TBCEL: variants seen among roughly 807,000 people sequenced by gnomAD.
TBCEL encodes the protein tubulin-specific chaperone cofactor E-like protein.
A neutral mutation model predicts 44.2 loss-of-function variants in TBCEL; 15 were observed. The ratio of observed to expected loss-of-function variants is 0.34; its 90% CI spans 0.23 to 0.52. The LOEUF (loss-of-function observed/expected upper bound fraction) is 0.52, where lower values mean the gene tolerates loss of function less well. TBCEL is among the 20% of genes least tolerant of loss of function. The probability of loss-of-function intolerance (pLI) is 0.95; values close to 1 mark genes in which losing one functional copy is unlikely to be tolerated. For missense variants in TBCEL, 319 were observed against 506.3 expected (o/e 0.63, Z 3.55); for synonymous variants, 171 against 185.4 (o/e 0.92, Z 0.63).
intron 8 of TBCEL, among the ~76,000 whole-genome samples, chr11:121,086,439 G>A (rs565515277): frequency 5.3e-5 from 8 of 152,132 alleles, no homozygotes; most frequent in Non-Finnish European, 7.4e-5. Context: ...CCTTCTTGAT[G>A]ATGACACCCA....
At chr11:121,081,834 A>G (rs954533347) in intron 8 of TBCEL, among the ~76,000 whole-genome samples, 20 of 152,174 alleles carry the variant, frequency 1.3e-4, no homozygotes, top group African/African-American at 4.8e-4. Context: ...GGGAACATAT[A>G]TATATATGTA....
chr11:121,026,572 C>T (rs1446407493), intron 1 of TBCEL, among the ~76,000 whole-genome samples: 2 of 152,202 alleles, frequency 1.3e-5, no homozygotes, highest in Admixed American at 1.3e-4. Flanking sequence ...CAAGTTAAAA[C>T]TTCATCAGTG....
In TBCEL at chr11:121,056,435, G is replaced by A. The variant is rs1410583308; in HGVS notation, c.712+1127G>A. ...AGTTTGGGCAGTTATGAATAAAGCT[G>A]CTGTAAACATCTGTATGCAAGTTTT... On this transcript the variant is annotated intron_variant, in intron 6 of 8. Coordinates refer to ENST00000683345, the MANE Select transcript of TBCEL (RefSeq NM_001363644.2). Among the ~76,000 whole-genome samples the A allele has an allele frequency of 8.6e-5, 13 of 151,954 alleles. 2 individuals are homozygous for A. Among genetic ancestry groups the A allele is most frequent in the Admixed American group, 7.9e-4 (12 of 15,236 alleles).
At chr11:121,037,982 C>T (rs1347708013) in intron 2 of TBCEL, among the ~76,000 whole-genome samples, 2 of 148,946 alleles carry the variant, frequency 1.3e-5, no homozygotes, top group Non-Finnish European at 3.0e-5. Context: ...TTTTTTTAGA[C>T]GGAGTCTTGC....
chr11:121,061,331 T>C (rs552605313), intron 8 of TBCEL, among the ~76,000 whole-genome samples: 1 of 152,092 alleles, frequency 6.6e-6, no homozygotes, highest in Admixed American at 6.6e-5. Flanking sequence ...CATCAGAGTT[T>C]ATTTAACTTC....
In TBCEL at chr11:121,037,891, A is replaced by G. The variant is rs188288633; in HGVS notation, c.-18+1279A>G. On this transcript the variant is annotated intron_variant, in intron 2 of 8. Coordinates refer to ENST00000683345, the MANE Select transcript of TBCEL (RefSeq NM_001363644.2). ...CTTAGCTAATAAAAAGGGAAACTACATGGTGGGGTTACTGGTTTTGTTGTT... is the reference window on the plus strand; with the variant it reads ...CTTAGCTAATAAAAAGGGAAACTACGTGGTGGGGTTACTGGTTTTGTTGTT... 2.0e-5 allele frequency among the ~76,000 whole-genome samples: 3 copies of G among 152,122 alleles called. No individual in the cohort carries two copies. The East Asian group carries it at 5.8e-4, about 29-fold the overall frequency.
Position 121,085,265 on chromosome 11 carries a change from C to T in TBCEL, c.957-1513C>T, listed in dbSNP as rs189225988. ...ATGTTGACCAGGCTGGTCTCGAACT[C>T]CTGACCTCGTGATCTGCCCACCATG... On this transcript the variant is annotated intron_variant, in intron 8 of 8. Transcript: ENST00000683345. Among the ~76,000 whole-genome samples the T allele has an allele frequency of 5.2e-3, 787 of 152,182 alleles. 5 individuals carry two copies. Among genetic ancestry groups the T allele is most frequent in the African/African-American group, 0.017 (723 of 41,522 alleles).
intron 1 of TBCEL, among the ~76,000 whole-genome samples, chr11:121,030,525 T>G (rs1057395112): frequency 1.3e-5 from 2 of 152,092 alleles, no homozygotes; most frequent in Admixed American, 1.3e-4. Flanking sequence ...AATAAAGTAA[T>G]AGAGATGGAC....
intron 8 of TBCEL, among the ~76,000 whole-genome samples, chr11:121,081,813 G>A (rs1306674300): frequency 6.6e-6 from 1 of 152,066 alleles, no homozygotes; most frequent in Non-Finnish European, 1.5e-5. Flanking sequence ...TTTTATTTAT[G>A]TAACTTTTAA....
At chr11:121,061,685 C>T (rs950100813) in intron 8 of TBCEL, among the ~76,000 whole-genome samples, 3 of 151,902 alleles carry the variant, frequency 2.0e-5, no homozygotes, top group East Asian at 1.9e-4. Context: ...GGTACAGTGA[C>T]GACATGGTAT....
intron 8 of TBCEL, among the ~76,000 whole-genome samples, chr11:121,084,120 G>A (rs184876812): frequency 3.3e-4 from 50 of 152,252 alleles, no homozygotes; most frequent in Non-Finnish European, 5.6e-4. Context: ...TGACCTAGTC[G>A]CCTCTAAAAG....
chr11:121,060,002 TG>T lies in TBCEL; in HGVS notation c.874del (p.Val292LeufsTer32). On this transcript the variant is annotated frameshift_variant, in exon 8 of 9. Coordinates refer to ENST00000683345, the MANE Select transcript of TBCEL (RefSeq NM_001363644.2). LOFTEE classifies it high-confidence loss of function. ...PSVSKLNGSV[V>X]TDGEREDSER... ...CAGTTTCCAAACTTAATGGCAGCGT[TG>T]TTACTGATGGTGAACGAGAAGATTC... 1 of 1,611,346 alleles carries T rather than the reference TG, an allele frequency of 6.2e-7. No homozygotes were observed. Among genetic ancestry groups the T allele is most frequent in the Non-Finnish European group, 8.5e-7 (1 of 1,178,426 alleles).
chr11:121,056,343 T>C (rs914471401), intron 6 of TBCEL, among the ~76,000 whole-genome samples: 51 of 151,910 alleles, frequency 3.4e-4, no homozygotes, highest in African/African-American at 1.2e-3. Flanking sequence ...CTATTCCATT[T>C]TCTGGATGTA....
At chr11:121,059,678 C>G (rs925255759) in intron 7 of TBCEL, among the ~76,000 whole-genome samples, 2 of 151,872 alleles carry the variant, frequency 1.3e-5, no homozygotes, top group African/African-American at 2.4e-5. Context: ...TTTAAAATTA[C>G]ATATGTGGCT....
chr11:121,024,856 T>A (rs1276008780), intron 1 of TBCEL, among the ~76,000 whole-genome samples: 1 of 152,114 alleles, frequency 6.6e-6, no homozygotes, highest in East Asian at 1.9e-4. Context: ...GGTAATTGAA[T>A]AAGGGCTTTT....
intron 8 of TBCEL, among the ~76,000 whole-genome samples, chr11:121,060,609 T>C (rs1480944583): frequency 2.0e-5 from 3 of 151,932 alleles, no homozygotes; most frequent in African/African-American, 7.2e-5. Context: ...TTAGTAAATA[T>C]CTTTAAGTAT....
At chr11:121,069,868 G>A (rs1021305919) in intron 8 of TBCEL, among the ~76,000 whole-genome samples, 8 of 152,266 alleles carry the variant, frequency 5.3e-5, no homozygotes, top group African/African-American at 1.9e-4. Flanking sequence ...AGGGCAGTCC[G>A]TGAAAGACTT....
At chr11:121,064,737 G>T (rs1199050488) in intron 8 of TBCEL, among the ~76,000 whole-genome samples, 1 of 152,108 alleles carries the variant, frequency 6.6e-6, no homozygotes, top group Non-Finnish European at 1.5e-5. Flanking sequence ...TGTCTTCTGG[G>T]TCCTTTTAGG....
chr11:121,073,921 A>G lies in TBCEL; in HGVS notation c.957-12857A>G, dbSNP rs185167149. The stretch of plus-strand genomic sequence containing the variant: ...ATTCAACTTGGTTGGGAAATATTAA[A>G]TTTTCTTTTTAAACATGTAGAATTT... On this transcript the variant is annotated intron_variant, in intron 8 of 8. Transcript: ENST00000683345. Among the ~76,000 whole-genome samples the G allele has an allele frequency of 1.2e-4, 18 of 151,910 alleles. No homozygotes were observed. In the East Asian group the frequency reaches 3.5e-3, roughly 29 times the overall value.
Sources: allele counts gnomAD v4.1 joint callset (sites outside exome capture counted in the v4.1 genomes callset), GRCh38; gene constraint gnomAD v4.1.1; transcripts MANE v1.5; gene names NCBI Gene and HGNC (gene_info 2026-07-23, HGNC 2026-07-21).